The following PCDHA8 variants were observed in gnomAD, a reference collection of about 807,000 sequenced individuals.
PCDHA8 encodes protocadherin alpha-8.
In PCDHA8, 53 loss-of-function variants were observed where a neutral mutation model predicts 61.8. The ratio of observed to expected loss-of-function variants is 0.86; its 90% CI spans 0.69 to 1.08. PCDHA8 has a LOEUF of 1.08. PCDHA8 is among the 50% of genes least tolerant of loss of function. PCDHA8 has a pLI of 0.00. For synonymous variants in PCDHA8, 618 were observed against 556.6 expected, an observed-to-expected ratio of 1.11 and a Z score of -1.55; for missense variants, 1,293 against 1,245.0, an observed-to-expected ratio of 1.04 and a Z score of -0.58.
chr5:140,974,419 C>T (rs998974699), intron 1 of PCDHA8, among the ~76,000 whole-genome samples: 1 of 152,208 alleles, frequency 6.6e-6, no homozygotes, highest in African/African-American at 2.4e-5. Flanking sequence ...GTTTATTTTA[C>T]TTTCCTGGTT....
chr5:140,964,969 G>T (rs2095866914), intron 1 of PCDHA8, among the ~76,000 whole-genome samples: 1 of 152,190 alleles, frequency 6.6e-6, no homozygotes, highest in South Asian at 2.1e-4. Flanking sequence ...TGGAACGAAG[G>T]GATGTGCTAG....
chr5:140,928,161 C>T (rs155820), intron 1 of PCDHA8: 1 of 1,613,960 alleles, frequency 6.2e-7, no homozygotes, highest in South Asian at 1.1e-5. Context: ...GTGGCTCACC[C>T]CCACTTAGCA....
At chr5:140,926,268 T>A (rs1166651492) in intron 1 of PCDHA8, 1 of 152,208 alleles carries the variant, frequency 6.6e-6, no homozygotes, top group Non-Finnish European at 1.5e-5. Context: ...TCTCGCCGCC[T>A]CCGCTCGGCA....
At chr5:140,918,186 C>T (rs1177570782) in intron 1 of PCDHA8, among the ~76,000 whole-genome samples, 1 of 151,888 alleles carries the variant, frequency 6.6e-6, no homozygotes, top group Non-Finnish European at 1.5e-5. Flanking sequence ...TTGATTTGGC[C>T]CTCAGCTTGG....
chr5:140,993,891 C>G (rs2097585722), intron 3 of PCDHA8, among the ~76,000 whole-genome samples: 1 of 152,096 alleles, frequency 6.6e-6, no homozygotes. Flanking sequence ...CTATGATGTC[C>G]ATACAACAAA....
At chr5:140,870,535 G>C (rs1279597936) in intron 1 of PCDHA8, 2 of 1,614,056 alleles carry the variant, frequency 1.2e-6, no homozygotes, top group Non-Finnish European at 8.5e-7. Context: ...CACAGTGTCG[G>C]CGCGGGACGC....
rs748166275 is a variant in PCDHA8 at position 140,954,138 on chromosome 5, T to C, written c.2395-24811T>C. Among the ~76,000 whole-genome samples the C allele has an allele frequency of 5.9e-4, 90 of 152,260 alleles. 1 individual carries two copies. The highest frequency in any genetic ancestry group is 6.5e-4 in the Admixed American group (10 of 15,282). On this transcript the variant is annotated intron_variant, in intron 1 of 3. Coordinates refer to ENST00000531613, the MANE Select transcript of PCDHA8 (RefSeq NM_018911.3). The stretch of plus-strand genomic sequence containing the variant: ...CTTGTTCCTTTTTATGGATGCATAG[T>C]ATTCCATGGTGTATATGTACCACAT...
In PCDHA8 at chr5:140,843,573, C is replaced by T. The variant is rs1380003956; in HGVS notation, c.2252C>T (p.Ser751Leu). 1 of 1,595,868 alleles carries T rather than the reference C, an allele frequency of 6.3e-7. No homozygotes were observed. Among genetic ancestry groups the T allele is most frequent in the Admixed American group, 1.7e-5 (1 of 59,312 alleles). ...AGTGCGGTGGGGAGCTGGTCATACT[C>T]GCAACAACAGCCGCAGAGGGTGTGC... ...CSSAVGSWSY[S>L]QQQPQRVCSG... Residue 751 changes from serine (S) to leucine (L), a missense_variant, in exon 1 of 4, where the codon TCG becomes TTG. Physicochemically the swap from Ser to Leu is moderately radical, Grantham distance 145. Coordinates refer to ENST00000531613, the MANE Select transcript of PCDHA8 (RefSeq NM_018911.3).
intron 1 of PCDHA8, chr5:140,930,248 C>T (rs2086692121): frequency 1.3e-5 from 2 of 152,178 alleles, no homozygotes; most frequent in South Asian, 4.1e-4. Flanking sequence ...GTCCATTCAA[C>T]TTGGATTTAA....
intron 1 of PCDHA8, among the ~76,000 whole-genome samples, chr5:140,855,675 G>T (rs1554147907): frequency 6.7e-6 from 1 of 149,648 alleles, no homozygotes; most frequent in African/African-American, 2.5e-5. Context: ...TACTCTGAGA[G>T]TCTACATTTA....
chr5:140,900,845 C>CT (rs1284280086), intron 1 of PCDHA8, among the ~76,000 whole-genome samples: 1 of 152,106 alleles, frequency 6.6e-6, no homozygotes, highest in Non-Finnish European at 1.5e-5. Context: ...CAAAGTTTCC[C>CT]TTTTTTTCAC....
At chr5:140,944,134 A>G (rs890508296) in intron 1 of PCDHA8, among the ~76,000 whole-genome samples, 1 of 152,122 alleles carries the variant, frequency 6.6e-6, no homozygotes, top group East Asian at 1.9e-4. Context: ...GAAAAGGTTG[A>G]AGATTAGAAG....
At chr5:140,891,034 G>A (rs1377509789) in intron 1 of PCDHA8, among the ~76,000 whole-genome samples, 1 of 151,488 alleles carries the variant, frequency 6.6e-6, no homozygotes, top group Non-Finnish European at 1.5e-5. Context: ...ATAATCTTAG[G>A]TGTGACCCCC....
At position 140,842,199 on chromosome 5, in the gene PCDHA8, T is replaced by G; in HGVS notation, c.878T>G (p.Phe293Cys). 6.2e-7 allele frequency: 1 copy of G among 1,613,772 alleles called. No homozygotes were observed. Among genetic ancestry groups the G allele is most frequent in the African/African-American group, 1.3e-5 (1 of 74,958 alleles). Residue 293 changes from phenylalanine to cysteine, a missense_variant, in exon 1 of 4, where the codon TTT (phenylalanine) becomes TGT (cysteine). Coordinates refer to ENST00000531613, the MANE Select transcript of PCDHA8 (RefSeq NM_018911.3). ...SLVETMVIDH[F>C]SIDRNTGEIV... ...GTTGAAACTATGGTTATTGACCACT[T>G]TAGCATAGATCGAAATACGGGAGAA... is the stretch of plus-strand genomic sequence containing the variant.
chr5:140,901,599 A>C (rs1196199794), intron 1 of PCDHA8, among the ~76,000 whole-genome samples: 1 of 152,132 alleles, frequency 6.6e-6, no homozygotes, highest in Non-Finnish European at 1.5e-5. Flanking sequence ...TTTGGTTACT[A>C]TATCTCTATG....
chr5:140,966,449 C>CT (rs1737219736), intron 1 of PCDHA8: 1 of 425,908 alleles, frequency 2.3e-6, no homozygotes, highest in South Asian at 9.0e-5. Context: ...CCCTTTCCCC[C>CT]TCCCCCTCTG....
At chr5:140,852,778 A>T (rs2150522420) in intron 1 of PCDHA8, 1 of 980,232 alleles carries the variant, frequency 1.0e-6, no homozygotes, top group East Asian at 1.1e-4. Flanking sequence ...TTTGATGTGA[A>T]TAGAGGGATG....
intron 1 of PCDHA8, chr5:140,870,544 G>T: frequency 6.2e-7 from 1 of 1,614,124 alleles, no homozygotes. Context: ...GGCGCGGGAC[G>T]CGGACGCGCA....
intron 1 of PCDHA8, chr5:140,927,418 C>A: frequency 6.2e-7 from 1 of 1,614,106 alleles, no homozygotes; most frequent in Non-Finnish European, 8.5e-7. Flanking sequence ...CATGGGATCG[C>A]GGGTTGACGG....
Sources: allele counts gnomAD v4.1 joint callset (sites outside exome capture counted in the v4.1 genomes callset), GRCh38; gene constraint gnomAD v4.1.1; transcripts MANE v1.5; gene names NCBI Gene and HGNC (gene_info 2026-07-23, HGNC 2026-07-21).